CRB1: variants seen among roughly 807,000 people sequenced by gnomAD.
CRB1 encodes the protein crumbs cell polarity complex component 1, also known as protein crumbs homolog 1.
In CRB1, 83 loss-of-function variants were observed where a neutral mutation model predicts 120.0. The observed-to-expected ratio is 0.69, with a 90% CI of 0.58 to 0.83. The LOEUF (loss-of-function observed/expected upper bound fraction) is 0.83, where lower values mean the gene tolerates loss of function less well. Ranked by LOEUF, CRB1 falls within the 40% of genes least tolerant of loss-of-function variation. The pLI is 0.00. For synonymous variants in CRB1, 625 were observed against 612.5 expected (o/e 1.02, Z -0.30); for missense variants, 1,699 against 1,687.6 (o/e 1.01, Z -0.12).
chr1:197,466,526 A>G (rs144274206), intron 11 of CRB1, among the ~76,000 whole-genome samples: 3 of 152,272 alleles, frequency 2.0e-5, no homozygotes, highest in African/African-American at 4.8e-5. Context: ...CAGCATATCT[A>G]TTGGCTTTTT....
intron 2 of CRB1, among the ~76,000 whole-genome samples, chr1:197,343,756 A>G (rs1659604856): frequency 1.3e-5 from 2 of 152,194 alleles, no homozygotes; most frequent in Admixed American, 1.3e-4. Flanking sequence ...TAATTAGACT[A>G]AGAGTCCTAT....
At position 197,352,176 on chromosome 1, in the gene CRB1, T is replaced by G. The variant is rs781695113; in HGVS notation, c.989-4655T>G. Among the ~76,000 whole-genome samples, 3 of 152,222 alleles carry G rather than the reference T, an allele frequency of 2.0e-5. No homozygotes were observed. In the South Asian group the frequency reaches 6.2e-4, roughly 32 times the overall value. On this transcript the variant is annotated intron_variant, in intron 4 of 11. Transcript: ENST00000367400. ...GTGACTCAGTATCATGTTGTTTATT[T>G]GTTCAGAGTTTTACAGAAAAATTTG...
rs142346094 is a variant in CRB1 at position 197,368,286 on chromosome 1, T to C, written c.1171+11273T>C. On this transcript the variant is annotated intron_variant, in intron 5 of 11. Transcript: ENST00000367400. ...CAAACAGATATTTGATATGCATAAA[T>C]AACTGTAACTCTAAAAGATGAAACT... Among the ~76,000 whole-genome samples, 1,079 of 152,310 alleles carry C rather than the reference T, an allele frequency of 7.1e-3. 13 individuals carry two copies. Among genetic ancestry groups the C allele is most frequent in the African/African-American group, 0.022 (909 of 41,564 alleles).
At chr1:197,472,271 A>AG (rs1342486822) in intron 11 of CRB1, among the ~76,000 whole-genome samples, 1 of 152,230 alleles carries the variant, frequency 6.6e-6, no homozygotes, top group Non-Finnish European at 1.5e-5. Context: ...GAATTCCAGG[A>AG]AAGACTTGAA....
At chr1:197,262,179 C>A in the CRB1 span, among the ~76,000 whole-genome samples, 9 of 152,062 alleles carry the variant, frequency 5.9e-5, no homozygotes, top group Admixed American at 5.2e-4. Context: ...ACGTGTAAAA[C>A]AAACAAATGC....
chr1:197,434,916 T>G lies in CRB1; in HGVS notation c.3053T>G (p.Phe1018Cys), dbSNP rs1665057712. 1.2e-6 allele frequency: 2 copies of G among 1,613,872 alleles called. No homozygotes were observed. Among genetic ancestry groups the G allele is most frequent in the East Asian group, 4.5e-5 (2 of 44,876 alleles). Residue 1018 changes from phenylalanine to cysteine, a missense_variant, in exon 9 of 12, where the codon TTT (phenylalanine) becomes TGT (cysteine). Coordinates refer to ENST00000367400, the MANE Select transcript of CRB1 (RefSeq NM_201253.3). Reference sequence around the variant, plus strand: ...TTTCAATTGCAAAGTGGCAACAGCTTTTATATGCTAAGTCTGACAAGTTTG... The same window carrying G: ...TTTCAATTGCAAAGTGGCAACAGCTGTTATATGCTAAGTCTGACAAGTTTG... ...LFFQLQSGNSFYMLSLTSLQS... is the reference protein window; with the variant it reads ...LFFQLQSGNSCYMLSLTSLQS...
At chr1:197,236,948 A>G in the CRB1 span, among the ~76,000 whole-genome samples, 20 of 151,882 alleles carry the variant, frequency 1.3e-4, no homozygotes, top group Non-Finnish European at 1.6e-4. Context: ...TATTTTTTGC[A>G]TTTATGTTAG....
intron 5 of CRB1, chr1:197,357,404 A>C: frequency 3.6e-6 from 1 of 275,436 alleles, no homozygotes; most frequent in Non-Finnish European, 7.1e-6. Context: ...CACTGGGAAA[A>C]ATGACCTAGT....
chr1:197,210,608 T>A, the CRB1 span, among the ~76,000 whole-genome samples: 2 of 151,940 alleles, frequency 1.3e-5, no homozygotes, highest in Non-Finnish European at 2.9e-5. Context: ...AGTCTACCTA[T>A]CTAAGAGCCT....
At chr1:197,213,853 A>G in the CRB1 span, among the ~76,000 whole-genome samples, 1 of 152,136 alleles carries the variant, frequency 6.6e-6, no homozygotes, top group South Asian at 2.1e-4. Context: ...TGGAAACACA[A>G]AACACCGAAA....
At chr1:197,356,701 C>G in intron 4 of CRB1, 130 bp from the exon 5 acceptor site, 1 of 851,596 alleles carries the variant, frequency 1.2e-6, no homozygotes, top group Non-Finnish European at 1.9e-6. Context: ...ATTCCCCTTA[C>G]CAGCTCCTTG....
At position 197,365,713 on chromosome 1, in the gene CRB1, C is replaced by T. The variant is rs147048788; in HGVS notation, c.1171+8700C>T. On this transcript the variant is annotated intron_variant, in intron 5 of 11. Transcript: ENST00000367400. ...CGCCTTGTGTTGTAGGTGGGACTCT[C>T]GTTCAATCTGGGGAAAGAAAGAGCC... 1.1e-4 allele frequency among the ~76,000 whole-genome samples: 16 copies of T among 149,440 alleles called. No individual in the cohort carries two copies. In the East Asian group the frequency reaches 3.0e-3, roughly 28 times the overall value.
chr1:197,320,550 A>G, intron 1 of CRB1, among the ~76,000 whole-genome samples: 1 of 152,238 alleles, frequency 6.6e-6, no homozygotes, highest in South Asian at 2.1e-4. Context: ...AGGGGAATTT[A>G]TGACAGGAAT....
chr1:197,455,327 T>C (rs1484759147), intron 11 of CRB1, among the ~76,000 whole-genome samples: 2 of 152,306 alleles, frequency 1.3e-5, no homozygotes, highest in East Asian at 3.9e-4. Context: ...TCGTGTTAGT[T>C]ACCAATTTTC....
At position 197,281,652 on chromosome 1, in the gene CRB1, C is replaced by T. The variant is rs150295955; in HGVS notation, c.70+13170C>T. On this transcript the variant is annotated intron_variant, in intron 1 of 11. Coordinates refer to ENST00000367400, the MANE Select transcript of CRB1 (RefSeq NM_201253.3). ...GATGGAGACCTCAAACAGCGTGGTC[C>T]TGGTAAGGAAGAAGCAGAGTGGGCT... Among the ~76,000 whole-genome samples, 160 of 151,884 alleles carry T rather than the reference C, an allele frequency of 1.1e-3. 4 individuals are homozygous for T. The South Asian group carries it at 0.017, about 16-fold the overall frequency.
At chr1:197,256,273 G>A in the CRB1 span, among the ~76,000 whole-genome samples, 4 of 151,648 alleles carry the variant, frequency 2.6e-5, no homozygotes, top group African/African-American at 9.7e-5. Flanking sequence ...CTCACTGGCT[G>A]CTTTTTCTTG....
At chr1:197,295,456 G>A (rs1373250530) in intron 1 of CRB1, among the ~76,000 whole-genome samples, 1 of 151,952 alleles carries the variant, frequency 6.6e-6, no homozygotes, top group Admixed American at 6.6e-5. Flanking sequence ...AGTAACTTGG[G>A]GCTTTGTCTT....
rs2125355787 is a variant in CRB1, at chr1:197,357,526, T to A, written c.1171+513T>A. The A allele has an allele frequency of 9.6e-6, 2 of 207,966 alleles. 1 individual carries two copies. Among genetic ancestry groups the A allele is most frequent in the South Asian group, 1.7e-4 (2 of 12,088 alleles). The allele number at this position is 207,966 out of a possible 1,614,324, so 12.9% of individuals were successfully genotyped here. A position where few individuals can be genotyped will look rare whatever the true frequency, so the allele number is the denominator to read the frequency against. On this transcript the variant is annotated intron_variant, in intron 5 of 11. Coordinates refer to ENST00000367400, the MANE Select transcript of CRB1 (RefSeq NM_201253.3). Reference sequence around the variant, plus strand: ...ACCTAAAACCCAGAGGAAATTTGCATGTATGTTATCCAATGAACAGTTTTG... The same window carrying A: ...ACCTAAAACCCAGAGGAAATTTGCAAGTATGTTATCCAATGAACAGTTTTG...
rs145552706 is a variant in CRB1 at position 197,318,483 on chromosome 1, G to A, written c.71-9939G>A. 3.6e-4 allele frequency among the ~76,000 whole-genome samples: 55 copies of A among 152,266 alleles called. No homozygotes were observed. In the East Asian group the frequency reaches 3.7e-3, roughly 10 times the overall value. On this transcript the variant is annotated intron_variant, in intron 1 of 11. Transcript: ENST00000367400. Reference sequence around the variant, plus strand: ...AAAAATAGAACTACTGTATGATCCAGCAATCCCACTACTGTGTATACATCC... The same window carrying A: ...AAAAATAGAACTACTGTATGATCCAACAATCCCACTACTGTGTATACATCC...
Sources: gnomAD v4.1 joint callset for allele counts (sites outside exome capture counted in the v4.1 genomes callset) on GRCh38, gnomAD v4.1.1 for gene constraint, MANE v1.5 for transcripts, NCBI Gene and HGNC (gene_info 2026-07-23, HGNC 2026-07-21) for gene names.